NCOA1: variants seen among roughly 807,000 people sequenced by gnomAD.
The protein encoded by NCOA1 is nuclear receptor coactivator 1.
Under a neutral mutation model 150.9 loss-of-function variants are expected in NCOA1, and 35 were observed. That is an observed-to-expected ratio of 0.23 (90% confidence interval 0.18 to 0.31). The LOEUF (loss-of-function observed/expected upper bound fraction) is 0.31, where lower values mean the gene tolerates loss of function less well. Among genes scored for constraint, NCOA1 ranks in the 10% least tolerant of loss-of-function variants. NCOA1 has a pLI of 1.00. For synonymous variants in NCOA1, 590 were observed against 630.0 expected, an observed-to-expected ratio of 0.94 and a Z score of 0.95; for missense variants, 1,491 against 1,749.3, an observed-to-expected ratio of 0.85 and a Z score of 2.63.
intron 1 of NCOA1, among the ~76,000 whole-genome samples, chr2:24,535,484 C>T (rs1005566077): frequency 6.6e-6 from 1 of 152,126 alleles, no homozygotes; most frequent in Non-Finnish European, 1.5e-5. Flanking sequence ...GAATTTGATC[C>T]TGTCATTATG....
chr2:24,643,824 T>G (rs2148462677), intron 3 of NCOA1, 142 bp from the exon 4 acceptor site: 1 of 152,338 alleles, frequency 6.6e-6, no homozygotes, highest in African/African-American at 2.4e-5. Context: ...TTATTCATTG[T>G]CTTTTGGAAA....
chr2:24,623,335 T>G (rs896702029), intron 3 of NCOA1, among the ~76,000 whole-genome samples: 3 of 152,216 alleles, frequency 2.0e-5, no homozygotes, highest in African/African-American at 7.2e-5. Context: ...GAGCTAAGTA[T>G]AGATTGGTGA....
At chr2:24,655,372 C>T (rs903911485) in intron 4 of NCOA1, among the ~76,000 whole-genome samples, 1 of 151,970 alleles carries the variant, frequency 6.6e-6, no homozygotes, top group Non-Finnish European at 1.5e-5. Context: ...ATATATATAA[C>T]ATAATTTTAT....
chr2:24,507,570 A>C (rs1172702294), intron 1 of NCOA1, among the ~76,000 whole-genome samples: 2 of 151,442 alleles, frequency 1.3e-5, no homozygotes, highest in African/African-American at 4.9e-5. Context: ...TCAAACATTT[A>C]TCATTTCTTT....
intron 1 of NCOA1, among the ~76,000 whole-genome samples, chr2:24,548,329 G>A (rs889619524): frequency 6.6e-6 from 1 of 152,212 alleles, no homozygotes; most frequent in Non-Finnish European, 1.5e-5. Flanking sequence ...TCACTACCAC[G>A]AGAACAGCAT....
intron 1 of NCOA1, chr2:24,492,298 C>T: frequency 6.6e-6 from 1 of 152,322 alleles, no homozygotes; most frequent in Non-Finnish European, 1.5e-5. Context: ...GTTGACGAGG[C>T]GATTGGGAGG....
At chr2:24,691,026 C>G (rs1672646172) in intron 8 of NCOA1, among the ~76,000 whole-genome samples, 1 of 151,996 alleles carries the variant, frequency 6.6e-6, no homozygotes, top group African/African-American at 2.4e-5. Flanking sequence ...ATCTTCTTCC[C>G]CAGAAAGGTG....
At chr2:24,680,160 A>T (rs1672098470) in intron 7 of NCOA1, among the ~76,000 whole-genome samples, 1 of 152,176 alleles carries the variant, frequency 6.6e-6, no homozygotes, top group Non-Finnish European at 1.5e-5. Flanking sequence ...TTTCCTTTGG[A>T]TATATACCCA....
chr2:24,744,555 A>G (rs539989988), intron 19 of NCOA1, among the ~76,000 whole-genome samples: 5 of 152,390 alleles, frequency 3.3e-5, no homozygotes, highest in Non-Finnish European at 1.5e-5. Context: ...GCACAAAATG[A>G]AGTTCTGGAA....
chr2:24,622,458 A>G (rs904415039), intron 3 of NCOA1, among the ~76,000 whole-genome samples: 2 of 152,222 alleles, frequency 1.3e-5, no homozygotes, highest in African/African-American at 2.4e-5. Flanking sequence ...GTTAATAACT[A>G]CTGCCCTATA....
chr2:24,690,348 T>A (rs958090524), intron 8 of NCOA1, among the ~76,000 whole-genome samples: 5 of 151,726 alleles, frequency 3.3e-5, no homozygotes, highest in African/African-American at 1.2e-4. Context: ...AGGAAAACGT[T>A]TGGGAACAGT....
chr2:24,621,666 G>A (rs1363277706), intron 3 of NCOA1, among the ~76,000 whole-genome samples: 1 of 151,830 alleles, frequency 6.6e-6, no homozygotes, highest in African/African-American at 2.4e-5. Context: ...TTTTAGTAGA[G>A]GCAGGGTTTC....
chr2:24,692,528 A>G (rs1212887758), intron 9 of NCOA1, among the ~76,000 whole-genome samples: 2 of 152,354 alleles, frequency 1.3e-5, no homozygotes, highest in East Asian at 1.9e-4. Flanking sequence ...TTTTTCTCAT[A>G]TAATTATCTA....
rs1265006212 is a variant in NCOA1 at position 24,691,560 on chromosome 2, A to G, written c.612A>G (p.Pro204=). 1.2e-6 allele frequency: 2 copies of G among 1,614,108 alleles called. No homozygotes were observed. Among genetic ancestry groups the G allele is most frequent in the African/African-American group, 2.7e-5 (2 of 74,948 alleles). ...ACTGCAGGATGCTAATTCACCCTCC[A>G]GATGAGCCAGGGACCGAGAACCAAG... The part of the protein sequence containing the change: ...TFNCRMLIHP[P]DEPGTENQEA... The change falls in exon 9 of 23, where the codon CCA becomes CCG. Residue 204 remains proline, a synonymous_variant. Transcript: ENST00000348332.
intron 4 of NCOA1, among the ~76,000 whole-genome samples, chr2:24,644,577 A>G (rs1396148196): frequency 3.3e-5 from 5 of 152,122 alleles, no homozygotes; most frequent in Non-Finnish European, 4.4e-5. Flanking sequence ...TAGTGTCCAT[A>G]TGGGCATTTT....
chr2:24,537,239 T>TACACACACACACAC (rs36086647), intron 1 of NCOA1, among the ~76,000 whole-genome samples: 2 of 148,668 alleles, frequency 1.3e-5, no homozygotes, highest in African/African-American at 2.5e-5. Context: ...CTGTGATACA[T>TACACACACACACAC]ACACACACAC....
At chr2:24,740,899 G>T (rs936855242) in intron 18 of NCOA1, among the ~76,000 whole-genome samples, 1 of 152,226 alleles carries the variant, frequency 6.6e-6, no homozygotes, top group Middle Eastern at 3.4e-3. Context: ...TCTGAAGAAG[G>T]CTTTATTGAT....
At chr2:24,624,776 TA>T (rs1178485332) in intron 3 of NCOA1, among the ~76,000 whole-genome samples, 2 of 152,214 alleles carry the variant, frequency 1.3e-5, no homozygotes, top group East Asian at 3.8e-4. Context: ...TTCCAGGAAG[TA>T]AAAATAACAG....
In NCOA1 at chr2:24,504,498, A is replaced by G. The variant is rs1216031325; in HGVS notation, c.-396+12896A>G. On this transcript the variant is annotated intron_variant, in intron 1 of 22. Coordinates refer to ENST00000348332, the MANE Select transcript of NCOA1 (RefSeq NM_003743.5). ...TACTATAGCAGAATTGATTTTCTTT[A>G]GTGGTGAATACCAAAATTGGTAGAC... Among the ~76,000 whole-genome samples the G allele has an allele frequency of 2.6e-5, 4 of 152,244 alleles. 1 individual carries two copies. Among genetic ancestry groups the G allele is most frequent in the South Asian group, 4.1e-4 (2 of 4,834 alleles).
Sources: gnomAD v4.1 joint callset for allele counts (sites outside exome capture counted in the v4.1 genomes callset) on GRCh38, gnomAD v4.1.1 for gene constraint, MANE v1.5 for transcripts, NCBI Gene and HGNC (gene_info 2026-07-23, HGNC 2026-07-21) for gene names.